Variants in CTNNB1 observed in about 807,000 individuals in gnomAD.
CTNNB1 encodes catenin beta 1.
Under a neutral mutation model 82.5 loss-of-function variants are expected in CTNNB1, and 6 were observed. The observed-to-expected ratio is 0.07, with a 90% CI of 0.04 to 0.14. The LOEUF (loss-of-function observed/expected upper bound fraction) is 0.14, where lower values mean the gene tolerates loss of function less well. CTNNB1 is among the 10% of genes least tolerant of loss of function. CTNNB1 has a pLI of 1.00. For synonymous variants in CTNNB1, 312 were observed against 329.7 expected, an observed-to-expected ratio of 0.95 and a Z score of 0.58; for missense variants, 529 against 980.4, an observed-to-expected ratio of 0.54 and a Z score of 6.15.
chr3:41,233,707 G>C lies in CTNNB1; in HGVS notation c.1364G>C (p.Gly455Ala), dbSNP rs2125639827. ...EALVRTVLRA[G>A]DREDITEPAI... ...CTTGTGCGTACTGTCCTTCGGGCTG[G>C]TGACAGGGAAGACATCACTGAGCCT... The change falls in exon 9 of 15, where the codon GGT becomes GCT. Residue 455 changes from glycine (G) to alanine (A), a missense_variant. By Grantham distance (60) the Gly-to-Ala change is moderately conservative. This residue lies in a region of CTNNB1 where 411 missense variants were observed against 776.4 expected (regional missense o/e 0.53). Coordinates refer to ENST00000349496, the MANE Select transcript of CTNNB1 (RefSeq NM_001904.4). 1 of 1,614,080 alleles carries C rather than the reference G, an allele frequency of 6.2e-7. No homozygotes were observed. Among genetic ancestry groups the C allele is most frequent in the Non-Finnish European group, 8.5e-7 (1 of 1,180,010 alleles).
At chr3:41,220,210 T>C (rs1333171678) in intron 1 of CTNNB1, among the ~76,000 whole-genome samples, 4 of 152,042 alleles carry the variant, frequency 2.6e-5, no homozygotes. Flanking sequence ...TTTTTTTCCA[T>C]TTACCTTCTG....
intron 8 of CTNNB1, 35 bp downstream of exon 8, chr3:41,233,479 A>C: frequency 6.2e-7 from 1 of 1,613,216 alleles, no homozygotes; most frequent in Non-Finnish European, 8.5e-7. Context: ...ATGGGAATAG[A>C]GTCAAGATGA....
chr3:41,220,384 C>A (rs376767379), intron 1 of CTNNB1, among the ~76,000 whole-genome samples: 4 of 143,056 alleles, frequency 2.8e-5, no homozygotes, highest in African/African-American at 1.1e-4. Flanking sequence ...ACACACACAC[C>A]CACACCCACA....
rs1207330730 is a variant in CTNNB1, at chr3:41,239,986, CTTTTTTTT to C, written c.*662_*669del. 6.8e-3 allele frequency: 223 copies of C among 32,672 alleles called. 1 individual carries two copies. The highest frequency in any genetic ancestry group is 0.019 in the Middle Eastern group (1 of 52). The allele number at this position is 32,672 out of a possible 1,614,324, so 2.0% of individuals were successfully genotyped here. A position where few individuals can be genotyped will look rare whatever the true frequency, so the allele number is the denominator to read the frequency against. ...TGACTTTGCTTGCTTTGAAGTAGCT[CTTTTTTTT>C]TTTTTTTTTTTTTTTTTGCAGTAAC... On this transcript the variant is annotated 3_prime_UTR_variant, in exon 15 of 15. Coordinates refer to ENST00000349496, the MANE Select transcript of CTNNB1 (RefSeq NM_001904.4).
intron 1 of CTNNB1, among the ~76,000 whole-genome samples, chr3:41,219,579 G>A (rs1403817582): frequency 6.6e-6 from 1 of 152,188 alleles, no homozygotes; most frequent in Admixed American, 6.5e-5. Context: ...AACCCTGTAG[G>A]ATGGGCGGGT....
In CTNNB1 at chr3:41,239,356, TAAG is replaced by T; in HGVS notation, c.*18_*20del. On this transcript the variant is annotated 3_prime_UTR_variant, in exon 15 of 15. Transcript: ENST00000349496. The stretch of plus-strand genomic sequence containing the variant: ...ACTGACCTGTAAATCATCCTTTAGG[TAAG>T]AAGTTTTAAAAAGCCAGTTTGGGTA... 1 of 1,610,510 alleles carries T rather than the reference TAAG, an allele frequency of 6.2e-7. No individual in the cohort carries two copies. Among genetic ancestry groups the T allele is most frequent in the Non-Finnish European group, 8.5e-7 (1 of 1,177,750 alleles).
At chr3:41,214,556 G>C (rs949725715) in intron 1 of CTNNB1, among the ~76,000 whole-genome samples, 2 of 152,214 alleles carry the variant, frequency 1.3e-5, no homozygotes, top group Admixed American at 1.3e-4. Context: ...GATACTTACG[G>C]GGGGGAACAC....
chr3:41,207,424 A>AG (rs918048023), intron 1 of CTNNB1, among the ~76,000 whole-genome samples: 1 of 152,186 alleles, frequency 6.6e-6, no homozygotes, highest in Admixed American at 6.5e-5. Flanking sequence ...CTAAGACAGA[A>AG]GGGCTGTTTA....
At chr3:41,224,102 A>G (rs1264330643) in intron 2 of CTNNB1, 21 bp downstream of exon 2, 2 of 1,613,684 alleles carry the variant, frequency 1.2e-6, no homozygotes, top group South Asian at 2.2e-5. Context: ...TTAAATCTTT[A>G]GTTACTGAAT....
At chr3:41,211,813 A>G (rs1277906952) in intron 1 of CTNNB1, among the ~76,000 whole-genome samples, 1 of 152,116 alleles carries the variant, frequency 6.6e-6, no homozygotes, top group Admixed American at 6.6e-5. Context: ...GCTATTATGG[A>G]TGGCTTTTGC....
Position 41,199,572 on chromosome 3 carries a change from C to G in CTNNB1, c.-147C>G, listed in dbSNP as rs1045060759. 6.5e-6 allele frequency: 1 copy of G among 153,240 alleles called. No homozygotes were observed. Among genetic ancestry groups the G allele is most frequent in the Non-Finnish European group, 1.4e-5 (1 of 69,024 alleles). 9.5% of individuals were successfully genotyped at this position (153,240 alleles called of 1,614,324 possible). A position where few individuals can be genotyped will look rare whatever the true frequency, so the allele number is the denominator to read the frequency against. ...AGCGGAGAGCGAGGGGAGGCGGAGA[C>G]GGAGGAAGGTCTGAGGAGCAGCTTC... On this transcript the variant is annotated 5_prime_UTR_variant, in exon 1 of 15. Transcript: ENST00000349496.
chr3:41,219,016 G>T (rs574830049), intron 1 of CTNNB1, among the ~76,000 whole-genome samples: 2 of 152,106 alleles, frequency 1.3e-5, no homozygotes, highest in East Asian at 3.9e-4. Context: ...AACTTAATTG[G>T]TATAAAATTA....
chr3:41,224,055 A>G lies in CTNNB1; in HGVS notation c.-14A>G. 1 of 1,613,650 alleles carries G rather than the reference A, an allele frequency of 6.2e-7. No individual in the cohort carries two copies. Among genetic ancestry groups the G allele is most frequent in the Non-Finnish European group, 8.5e-7 (1 of 1,179,622 alleles). ...AGTATACCATACAACTGTTTTGAAAATCCAGCGTGGACAATGGCTACTCAA... is the reference window on the plus strand; with the variant it reads ...AGTATACCATACAACTGTTTTGAAAGTCCAGCGTGGACAATGGCTACTCAA... On this transcript the variant is annotated 5_prime_UTR_variant, in exon 2 of 15. Coordinates refer to ENST00000349496, the MANE Select transcript of CTNNB1 (RefSeq NM_001904.4).
chr3:41,231,009 G>A (rs1005909457), intron 7 of CTNNB1, among the ~76,000 whole-genome samples: 4 of 152,218 alleles, frequency 2.6e-5, no homozygotes, highest in South Asian at 4.1e-4. Context: ...CCCATGGGCT[G>A]CAGGTTGGAC....
At chr3:41,204,812 A>T (rs77447439) in intron 1 of CTNNB1, among the ~76,000 whole-genome samples, 1 of 152,372 alleles carries the variant, frequency 6.6e-6, no homozygotes, top group Non-Finnish European at 1.5e-5. Context: ...CAGTGTTTTC[A>T]TAATGATTCT....
rs772033082 is a variant in CTNNB1 at position 41,239,192 on chromosome 3, C to T, written c.2196C>T (p.Asp732=). Residue 732 remains aspartate (D), a synonymous_variant, in exon 15 of 15, where the codon GAC becomes GAT. Transcript: ENST00000349496. ...GGYGQDALGM[D]PMMEHEMGGH... ...ATGGCCAGGATGCCTTGGGTATGGA[C>T]CCCATGATGGAACATGAGATGGGTG... 2 of 1,614,030 alleles carry T rather than the reference C, an allele frequency of 1.2e-6. No individual in the cohort carries two copies. The highest frequency in any genetic ancestry group is 3.3e-5 in the Admixed American group (2 of 60,000).
chr3:41,240,109 C>CACTAAT lies in CTNNB1; in HGVS notation c.*767_*768insACTAAT, dbSNP rs2078545647. On this transcript the variant is annotated 3_prime_UTR_variant, in exon 15 of 15. Transcript: ENST00000349496. Reference sequence around the variant, plus strand: ...AAGAATTGAGTAATGGTGTAGAACACTAATTCATAATCACTCTAATTAATT... The same window carrying CACTAAT: ...AAGAATTGAGTAATGGTGTAGAACACACTAATTAATTCATAATCACTCTAATTAATT... 1 of 199,358 alleles carries CACTAAT rather than the reference C, an allele frequency of 5.0e-6. No homozygotes were observed. The highest frequency in any genetic ancestry group is 1.0e-5 in the Non-Finnish European group (1 of 97,938). 12.3% of individuals were successfully genotyped at this position (199,358 alleles called of 1,614,324 possible).
rs1361790401 is a variant in CTNNB1 at position 41,240,424 on chromosome 3, ATTAAACTT to A, written c.*1087_*1094del. On this transcript the variant is annotated 3_prime_UTR_variant, in exon 15 of 15. Coordinates refer to ENST00000349496, the MANE Select transcript of CTNNB1 (RefSeq NM_001904.4). ...ATGCGGTTATAAAAAATGGTTCAGA[ATTAAACTT>A]TTAATTCATTCGATTGTGTCACTCT... The A allele has an allele frequency of 1.1e-5, 2 of 180,182 alleles. No homozygotes were observed. Among genetic ancestry groups the A allele is most frequent in the Non-Finnish European group, 2.4e-5 (2 of 84,036 alleles). 11.2% of individuals were successfully genotyped at this position (180,182 alleles called of 1,614,324 possible). A position where few individuals can be genotyped will look rare whatever the true frequency, so the allele number is the denominator to read the frequency against.
chr3:41,224,051 G>GA lies in CTNNB1; in HGVS notation c.-14dup. On this transcript the variant is annotated 5_prime_UTR_variant, in exon 2 of 15. Transcript: ENST00000349496. ...TTGAAGTATACCATACAACTGTTTT[G>GA]AAAATCCAGCGTGGACAATGGCTAC... 1 of 1,613,396 alleles carries GA rather than the reference G, an allele frequency of 6.2e-7. No homozygotes were observed. The highest frequency in any genetic ancestry group is 1.3e-5 in the African/African-American group (1 of 74,954).
Sources: gnomAD v4.1 joint callset for allele counts (sites outside exome capture counted in the v4.1 genomes callset) on GRCh38, gnomAD v4.1.1 for gene constraint, gnomAD v4.1.1 regional missense constraint, MANE v1.5 for transcripts, NCBI Gene and HGNC (gene_info 2026-07-23, HGNC 2026-07-21) for gene names.